The following STK38L variants were observed in gnomAD, a reference collection of about 807,000 sequenced individuals.
STK38L encodes the protein serine/threonine kinase 38 like.
A neutral mutation model predicts 59.7 loss-of-function variants in STK38L; 28 were observed. That is an observed-to-expected ratio of 0.47 (90% CI 0.35 to 0.64). STK38L has a LOEUF of 0.64. Ranked by LOEUF, STK38L falls within the 30% of genes least tolerant of loss-of-function variation. STK38L has a pLI of 0.01. For synonymous variants in STK38L, 162 were observed against 176.8 expected (o/e 0.92, Z 0.66); for missense variants, 314 against 555.8 (o/e 0.56, Z 4.37).
At chr12:27,266,027 C>G (rs186212226) in intron 1 of STK38L, among the ~76,000 whole-genome samples, 147 of 152,276 alleles carry the variant, frequency 9.7e-4, no homozygotes, top group African/African-American at 3.4e-3. Flanking sequence ...GCCACATTTT[C>G]CAGTTTGACT....
chr12:27,316,914 A>T (rs956763952), intron 9 of STK38L, among the ~76,000 whole-genome samples: 1 of 152,218 alleles, frequency 6.6e-6, no homozygotes, highest in Admixed American at 6.5e-5. Context: ...TTGCCCAAGA[A>T]CACATTAGTA....
chr12:27,285,525 A>G (rs1369127061), intron 1 of STK38L, among the ~76,000 whole-genome samples: 1 of 152,138 alleles, frequency 6.6e-6, no homozygotes, highest in African/African-American at 2.4e-5. Context: ...ATGAAAAGCA[A>G]GTGTTCAAAG....
At chr12:27,314,179 T>C (rs1276526119) in intron 6 of STK38L, among the ~76,000 whole-genome samples, 2 of 152,184 alleles carry the variant, frequency 1.3e-5, no homozygotes, top group East Asian at 1.9e-4. Context: ...GGCAGGCAGA[T>C]AGCTTGAAAC....
At chr12:27,259,236 T>G (rs1187405334) in intron 1 of STK38L, among the ~76,000 whole-genome samples, 1 of 152,226 alleles carries the variant, frequency 6.6e-6, no homozygotes, top group African/African-American at 2.4e-5. Flanking sequence ...TTGTGTTTTT[T>G]CCTCACTCTG....
At chr12:27,280,521 G>A (rs528619103) in intron 1 of STK38L, among the ~76,000 whole-genome samples, 1 of 152,168 alleles carries the variant, frequency 6.6e-6, no homozygotes, top group South Asian at 2.1e-4. Context: ...TGCCAGAGGA[G>A]CTTTTTCTTT....
chr12:27,268,762 A>G (rs1943354987), intron 1 of STK38L, among the ~76,000 whole-genome samples: 1 of 152,162 alleles, frequency 6.6e-6, no homozygotes, highest in Admixed American at 6.5e-5. Context: ...CTATTTCTCA[A>G]CATCCTCTCC....
intron 1 of STK38L, among the ~76,000 whole-genome samples, chr12:27,275,699 A>T (rs1443262549): frequency 6.6e-6 from 1 of 152,136 alleles, no homozygotes; most frequent in African/African-American, 2.4e-5. Flanking sequence ...TTCTACCCAC[A>T]TGTGACACTG....
At chr12:27,291,285 C>T (rs1943890199) in intron 1 of STK38L, among the ~76,000 whole-genome samples, 1 of 152,168 alleles carries the variant, frequency 6.6e-6, no homozygotes, top group Non-Finnish European at 1.5e-5. Flanking sequence ...CTCAGTCTAT[C>T]GGTATGCTTA....
rs764841037 is a variant in STK38L, at chr12:27,315,109, G to A, written c.767G>A (p.Ser256Asn). 2 of 1,613,126 alleles carry A rather than the reference G, an allele frequency of 1.2e-6. No individual in the cohort carries two copies. Among genetic ancestry groups the A allele is most frequent in the South Asian group, 1.1e-5 (1 of 91,014 alleles). Reference sequence around the variant, plus strand: ...AGAAATCTCACACACAACCCACCAAGTGACTTCTGTAAGTTTGGTTGTTGT... The same window carrying A: ...AGAAATCTCACACACAACCCACCAAATGACTTCTGTAAGTTTGGTTGTTGT... ...FYRNLTHNPP[S>N]DFSFQNMNSK... Residue 256 changes from serine to asparagine, a missense_variant, in exon 8 of 14, where the codon AGT becomes AAT. Physicochemically the swap from Ser to Asn is conservative, Grantham distance 46. This residue lies in a region of STK38L where 192 missense variants were observed against 316.9 expected (regional missense o/e 0.61). Transcript: ENST00000389032.
intron 1 of STK38L, among the ~76,000 whole-genome samples, chr12:27,258,555 C>T (rs1943137813): frequency 6.6e-6 from 1 of 152,220 alleles, no homozygotes; most frequent in African/African-American, 2.4e-5. Flanking sequence ...TCTCGAACTC[C>T]TGACCTCAGG....
At chr12:27,257,212 A>G (rs980718557) in intron 1 of STK38L, among the ~76,000 whole-genome samples, 2 of 152,228 alleles carry the variant, frequency 1.3e-5, no homozygotes, top group Non-Finnish European at 2.9e-5. Flanking sequence ...AGGAGAATCT[A>G]CAGGGGAAGC....
intron 5 of STK38L, among the ~76,000 whole-genome samples, chr12:27,309,727 A>G (rs1427958498): frequency 2.6e-5 from 4 of 152,232 alleles, no homozygotes; most frequent in Non-Finnish European, 5.9e-5. Context: ...GCTTTACTCT[A>G]TGAATTTTGT....
chr12:27,302,703 G>A (rs1360132842), intron 3 of STK38L, among the ~76,000 whole-genome samples: 6 of 151,982 alleles, frequency 3.9e-5, no homozygotes, highest in African/African-American at 7.2e-5. Context: ...CCCTTATCTC[G>A]GGATATGGGC....
intron 1 of STK38L, among the ~76,000 whole-genome samples, chr12:27,277,139 C>T (rs1943553098): frequency 6.6e-6 from 1 of 152,150 alleles, no homozygotes; most frequent in African/African-American, 2.4e-5. Flanking sequence ...TCATGATTTA[C>T]AGTGTATCAT....
chr12:27,315,058 A>G lies in STK38L; in HGVS notation c.716A>G (p.Lys239Arg). The part of the protein sequence containing the change: ...LSDFGLCTGL[K>R]KAHRTEFYRN... ...GATTTTGGTTTATGTACGGGATTAA[A>G]GAAAGCTCACAGGACTGAATTTTAT... The change falls in exon 8 of 14, where the codon AAG becomes AGG. Residue 239 changes from lysine (K) to arginine (R), a missense_variant. This residue lies in a region of STK38L where 192 missense variants were observed against 316.9 expected (regional missense o/e 0.61). Transcript: ENST00000389032. The G allele has an allele frequency of 6.2e-7, 1 of 1,613,560 alleles. No individual in the cohort carries two copies. The highest frequency in any genetic ancestry group is 8.5e-7 in the Non-Finnish European group (1 of 1,179,848).
Position 27,324,251 on chromosome 12 carries a change from T to A in STK38L, c.*1796T>A, listed in dbSNP as rs1485193594. ...TTTAGGAAAGAGAGCTATTAAAAAC[T>A]GGGGATTTCTCAATGTGACTAACTC... is the stretch of plus-strand genomic sequence containing the variant. On this transcript the variant is annotated 3_prime_UTR_variant, in exon 14 of 14. Transcript: ENST00000389032. 1 of 151,414 alleles carries A rather than the reference T, an allele frequency of 6.6e-6. No homozygotes were observed. Among genetic ancestry groups the A allele is most frequent in the Non-Finnish European group, 1.5e-5 (1 of 67,790 alleles). The allele number at this position is 151,414 out of a possible 1,614,324, so 9.4% of individuals were successfully genotyped here.
At chr12:27,289,769 G>T (rs1328378128) in intron 1 of STK38L, among the ~76,000 whole-genome samples, 1 of 152,220 alleles carries the variant, frequency 6.6e-6, no homozygotes, top group African/African-American at 2.4e-5. Flanking sequence ...GAGAGAAAGG[G>T]TTAGCTCTTC....
At chr12:27,263,608 C>T (rs1943246353) in intron 1 of STK38L, among the ~76,000 whole-genome samples, 1 of 152,146 alleles carries the variant, frequency 6.6e-6, no homozygotes, top group African/African-American at 2.4e-5. Flanking sequence ...CTATTATGTC[C>T]TTTAGGATGG....
intron 1 of STK38L, among the ~76,000 whole-genome samples, chr12:27,251,649 G>A (rs1311395443): frequency 6.6e-6 from 1 of 152,222 alleles, no homozygotes; most frequent in African/African-American, 2.4e-5. Context: ...TTACAGTGCT[G>A]AAATAAATGA....
Sources: allele counts gnomAD v4.1 joint callset (sites outside exome capture counted in the v4.1 genomes callset), GRCh38; gene constraint gnomAD v4.1.1; regional missense constraint gnomAD v4.1.1; transcripts MANE v1.5; gene names NCBI Gene and HGNC (gene_info 2026-07-23, HGNC 2026-07-21).